FRAS1: variants seen among roughly 807,000 people sequenced by gnomAD.
The protein encoded by FRAS1 is Fraser extracellular matrix complex subunit 1.
Under a neutral mutation model 435.2 loss-of-function variants are expected in FRAS1, and 290 were observed. That is an observed-to-expected ratio of 0.67 (90% CI 0.61 to 0.73). The LOEUF is 0.73. FRAS1 is among the 30% of genes least tolerant of loss of function. FRAS1 has a pLI of 0.00. For synonymous variants in FRAS1, 1,800 were observed against 1,851.0 expected, an observed-to-expected ratio of 0.97 and a Z score of 0.71; for missense variants, 4,860 against 5,001.5, an observed-to-expected ratio of 0.97 and a Z score of 0.85.
intron 2 of FRAS1, among the ~76,000 whole-genome samples, chr4:78,126,581 C>A (rs1420826036): frequency 6.6e-6 from 1 of 152,174 alleles, no homozygotes; most frequent in Non-Finnish European, 1.5e-5. Flanking sequence ...GTGTATGGTA[C>A]AGGAAATTCT....
chr4:78,197,888 C>T (rs958910987), intron 2 of FRAS1, among the ~76,000 whole-genome samples: 1 of 151,742 alleles, frequency 6.6e-6, no homozygotes, highest in Non-Finnish European at 1.5e-5. Context: ...TTGCAGTGAG[C>T]CGAGATTGAG....
chr4:78,341,764 C>T (rs1578263240), intron 20 of FRAS1, among the ~76,000 whole-genome samples: 2 of 152,180 alleles, frequency 1.3e-5, no homozygotes, highest in East Asian at 3.9e-4. Flanking sequence ...AGGAATAGAT[C>T]TAGGAGGCAG....
intron 61 of FRAS1, among the ~76,000 whole-genome samples, chr4:78,501,743 AT>A (rs892509867): frequency 2.0e-5 from 3 of 152,050 alleles, no homozygotes; most frequent in Admixed American, 2.0e-4. Flanking sequence ...CCATTTGTCT[AT>A]TTTGGCTTTT....
At chr4:78,278,531 G>A (rs1727170174) in intron 9 of FRAS1, 124 bp from the exon 10 acceptor site, 1 of 641,456 alleles carries the variant, frequency 1.6e-6, no homozygotes, top group South Asian at 1.8e-5. Flanking sequence ...ACAGGCAGAG[G>A]GCCAGAGCCA....
intron 29 of FRAS1, among the ~76,000 whole-genome samples, chr4:78,389,451 T>C (rs989030019): frequency 1.3e-5 from 2 of 152,206 alleles, no homozygotes; most frequent in African/African-American, 4.8e-5. Flanking sequence ...ATTTCTCAGT[T>C]TCCTGTCTCG....
intron 40 of FRAS1, 55 bp downstream of exon 40, chr4:78,439,119 A>G (rs1339958551): frequency 2.1e-5 from 30 of 1,428,504 alleles, no homozygotes; most frequent in Middle Eastern, 1.8e-4. Context: ...TGGAATCCGT[A>G]GTAATGTAAA....
chr4:78,278,519 A>G (rs1727169023), intron 9 of FRAS1, 136 bp from the exon 10 acceptor site: 1 of 621,892 alleles, frequency 1.6e-6, no homozygotes. Context: ...GGGGGAGATG[A>G]AACAGGCAGA....
In FRAS1 at chr4:78,379,807, T is replaced by A; in HGVS notation, c.3374T>A (p.Leu1125His). ...IGSIKPLDFS[L>H]LNVQDQEGRV... is the part of the protein sequence containing the mutation. The stretch of plus-strand genomic sequence containing the variant: ...TCAATAAAGCCACTGGATTTTTCCC[T>A]CCTGAATGTCCAAGACCAGGAGGGT... Residue 1125 changes from leucine to histidine, a missense_variant, in exon 27 of 74, where the codon CTC becomes CAC. Transcript: ENST00000512123. 4 of 1,613,836 alleles carry A rather than the reference T, an allele frequency of 2.5e-6. No individual in the cohort carries two copies. Among genetic ancestry groups the A allele is most frequent in the Non-Finnish European group, 3.4e-6 (4 of 1,179,812 alleles).
At chr4:78,159,693 C>T (rs1394612542) in intron 2 of FRAS1, among the ~76,000 whole-genome samples, 3 of 152,068 alleles carry the variant, frequency 2.0e-5, no homozygotes, top group Non-Finnish European at 4.4e-5. Flanking sequence ...CCAGCCTGGC[C>T]AACATGGTGA....
chr4:78,407,438 T>C (rs1273004047), intron 30 of FRAS1, among the ~76,000 whole-genome samples: 1 of 152,244 alleles, frequency 6.6e-6, no homozygotes, highest in African/African-American at 2.4e-5. Context: ...TGTCCTTGAA[T>C]GACTTTTAGT....
chr4:78,162,930 T>C (rs954957826), intron 2 of FRAS1, among the ~76,000 whole-genome samples: 7 of 152,320 alleles, frequency 4.6e-5, no homozygotes, highest in African/African-American at 1.7e-4. Context: ...ATTCCAATTG[T>C]TTTTGTTGCT....
At chr4:78,535,319 C>G (rs1368804911) in intron 71 of FRAS1, among the ~76,000 whole-genome samples, 2 of 152,202 alleles carry the variant, frequency 1.3e-5, no homozygotes, top group Non-Finnish European at 2.9e-5. Flanking sequence ...GAACTTCTTA[C>G]ACTCCTACTG....
intron 2 of FRAS1, chr4:78,071,818 T>C (rs1272102646): frequency 1.3e-5 from 2 of 152,212 alleles, no homozygotes; most frequent in African/African-American, 2.4e-5. Flanking sequence ...ATTCTTAACG[T>C]ACTCTAGTAC....
chr4:78,411,338 C>CT (rs1406441235), intron 31 of FRAS1, among the ~76,000 whole-genome samples: 1 of 152,122 alleles, frequency 6.6e-6, no homozygotes, highest in Non-Finnish European at 1.5e-5. Context: ...TCTCGAACTC[C>CT]TGACATCAAG....
Position 78,407,800 on chromosome 4 carries a change from C to G in FRAS1, c.4267C>G (p.His1423Asp). ...DINEGIVWYR[H>D]SGAPAQSDSF... The stretch of plus-strand genomic sequence containing the variant: ...CAATGAAGGCATCGTATGGTACAGG[C>G]ACTCAGGAGCCCCAGCCCAGAGCGA... Residue 1423 changes from histidine to aspartate, a missense_variant, in exon 31 of 74, where the codon CAC (histidine) becomes GAC (aspartate). By Grantham distance (81) the His-to-Asp change is moderately conservative. Coordinates refer to ENST00000512123, the MANE Select transcript of FRAS1 (RefSeq NM_025074.7). 1.2e-6 allele frequency: 2 copies of G among 1,612,780 alleles called. No individual in the cohort carries two copies. The highest frequency in any genetic ancestry group is 2.2e-5 in the East Asian group (1 of 44,808).
At chr4:78,374,088 A>G (rs367929329) in intron 24 of FRAS1, 23 bp from the exon 25 acceptor site, 8 of 1,553,032 alleles carry the variant, frequency 5.2e-6, no homozygotes, top group Non-Finnish European at 7.0e-6. Flanking sequence ...CAGATTCCTG[A>G]TGACTTGACT....
At chr4:78,310,571 C>CA (rs1417765347) in intron 15 of FRAS1, among the ~76,000 whole-genome samples, 1 of 152,226 alleles carries the variant, frequency 6.6e-6, no homozygotes, top group Non-Finnish European at 1.5e-5. Flanking sequence ...CTAAACACGT[C>CA]ATGTGCTTAG....
At chr4:78,128,359 A>C (rs1253291345) in intron 2 of FRAS1, among the ~76,000 whole-genome samples, 1 of 152,216 alleles carries the variant, frequency 6.6e-6, no homozygotes, top group East Asian at 1.9e-4. Flanking sequence ...ACTAGTTTAC[A>C]GTCCCACCAA....
chr4:78,222,652 G>A (rs1391933437), intron 2 of FRAS1, among the ~76,000 whole-genome samples: 6 of 152,198 alleles, frequency 3.9e-5, no homozygotes, highest in Middle Eastern at 3.4e-3. Context: ...TCTCTGACGC[G>A]CCATTTAAAC....
Sources: allele counts gnomAD v4.1 joint callset (sites outside exome capture counted in the v4.1 genomes callset), GRCh38; gene constraint gnomAD v4.1.1; transcripts MANE v1.5; gene names NCBI Gene and HGNC (gene_info 2026-07-23, HGNC 2026-07-21).